GULP1: variants seen among roughly 807,000 people sequenced by gnomAD.
The protein encoded by GULP1 is GULP PTB domain containing engulfment adaptor 1.
Under a neutral mutation model 40.9 loss-of-function variants are expected in GULP1, and 19 were observed. The observed-to-expected ratio is 0.46, with a 90% CI of 0.32 to 0.68. The LOEUF is 0.68. Among genes scored for constraint, GULP1 ranks in the 30% least tolerant of loss-of-function variants. The probability of loss-of-function intolerance (pLI) is 0.03; values close to 1 mark genes in which losing one functional copy is unlikely to be tolerated. For missense variants in GULP1, 312 were observed against 362.2 expected (o/e 0.86, Z 1.12); for synonymous variants, 119 against 117.6 (o/e 1.01, Z -0.08).
chr2:188,431,180 A>G (rs144787441), intron 2 of GULP1, among the ~76,000 whole-genome samples: 47 of 152,302 alleles, frequency 3.1e-4, no homozygotes, highest in Admixed American at 1.1e-3. Flanking sequence ...TAAACATATT[A>G]AGAAAAGCCA....
intron 1 of GULP1, among the ~76,000 whole-genome samples, chr2:188,331,077 C>T (rs1390288925): frequency 6.6e-6 from 1 of 152,204 alleles, no homozygotes. Flanking sequence ...CCCTACAAAA[C>T]ATATCCCGCT....
At chr2:188,560,460 A>C (rs1366599942) in intron 7 of GULP1, among the ~76,000 whole-genome samples, 4 of 152,192 alleles carry the variant, frequency 2.6e-5, no homozygotes. Flanking sequence ...AGCAAATTCC[A>C]AACTTTCCCT....
intron 4 of GULP1, among the ~76,000 whole-genome samples, chr2:188,500,358 C>T (rs1427371742): frequency 1.3e-5 from 2 of 151,830 alleles, no homozygotes; most frequent in Non-Finnish European, 2.9e-5. Flanking sequence ...TAATGTCTAC[C>T]TTGTTCCCTA....
chr2:188,341,767 CT>C (rs892912314), intron 1 of GULP1, among the ~76,000 whole-genome samples: 3 of 151,826 alleles, frequency 2.0e-5, no homozygotes, highest in African/African-American at 7.3e-5. Context: ...TTAAAGATTG[CT>C]TTTTTTTCAT....
chr2:188,484,142 A>G (rs769587248), intron 4 of GULP1, among the ~76,000 whole-genome samples: 1 of 152,046 alleles, frequency 6.6e-6, no homozygotes, highest in Non-Finnish European at 1.5e-5. Context: ...TCCTGACCTC[A>G]AGTGGTCCAC....
chr2:188,415,906 C>G (rs1469664819), intron 2 of GULP1, among the ~76,000 whole-genome samples: 2 of 152,050 alleles, frequency 1.3e-5, no homozygotes, highest in Non-Finnish European at 2.9e-5. Flanking sequence ...TACAAGTAAC[C>G]AAGATGCCCC....
chr2:188,455,016 C>A (rs2152933806), intron 2 of GULP1, among the ~76,000 whole-genome samples: 1 of 152,142 alleles, frequency 6.6e-6, no homozygotes, highest in African/African-American at 2.4e-5. Flanking sequence ...CCTGTAGTCC[C>A]AGCTACTCAG....
chr2:188,554,221 A>G (rs1481874453), intron 7 of GULP1, among the ~76,000 whole-genome samples: 2 of 151,698 alleles, frequency 1.3e-5, no homozygotes, highest in African/African-American at 4.8e-5. Flanking sequence ...CTAGTTCCTT[A>G]AGGTATATTG....
intron 2 of GULP1, among the ~76,000 whole-genome samples, chr2:188,394,341 T>C (rs1327761829): frequency 6.6e-6 from 1 of 152,168 alleles, no homozygotes; most frequent in Non-Finnish European, 1.5e-5. Flanking sequence ...CTGCATTTTG[T>C]ACTTCCCTAA....
chr2:188,579,923 G>A (rs1444993090), intron 9 of GULP1, among the ~76,000 whole-genome samples: 7 of 151,994 alleles, frequency 4.6e-5, no homozygotes, highest in Non-Finnish European at 1.0e-4. Flanking sequence ...AAAAAATATA[G>A]AGTATTACCA....
intron 11 of GULP1, chr2:188,593,088 A>AT (rs1703901299): frequency 6.6e-6 from 1 of 152,086 alleles, no homozygotes; most frequent in African/African-American, 2.4e-5. Flanking sequence ...CTCCACTTTC[A>AT]TTGATCAGTG....
At chr2:188,412,628 G>A (rs2054054063) in intron 2 of GULP1, among the ~76,000 whole-genome samples, 1 of 152,158 alleles carries the variant, frequency 6.6e-6, no homozygotes, top group African/African-American at 2.4e-5. Context: ...CGATACTGTT[G>A]AAGTGGTATT....
chr2:188,363,407 A>G (rs1357685500), intron 1 of GULP1, among the ~76,000 whole-genome samples: 1 of 152,126 alleles, frequency 6.6e-6, no homozygotes, highest in African/African-American at 2.4e-5. Flanking sequence ...TTTAGTTTAG[A>G]TGTTTGCAGG....
At chr2:188,571,084 G>A (rs1283626758) in intron 9 of GULP1, among the ~76,000 whole-genome samples, 1 of 152,116 alleles carries the variant, frequency 6.6e-6, no homozygotes. Context: ...CATGAGCCCA[G>A]AGGTCATGGC....
intron 2 of GULP1, among the ~76,000 whole-genome samples, chr2:188,430,486 T>TA (rs2152815564): frequency 6.6e-6 from 1 of 152,320 alleles, no homozygotes; most frequent in East Asian, 1.9e-4. Flanking sequence ...TACTATGTCA[T>TA]AGAGCCCTTA....
At chr2:188,441,787 C>G (rs1365376137) in intron 2 of GULP1, among the ~76,000 whole-genome samples, 13 of 152,178 alleles carry the variant, frequency 8.5e-5, no homozygotes, top group Admixed American at 7.2e-4. Context: ...AGTATAAACT[C>G]CTTTTCTTGC....
At chr2:188,526,527 G>A (rs1686195498) in intron 5 of GULP1, among the ~76,000 whole-genome samples, 1 of 151,968 alleles carries the variant, frequency 6.6e-6, no homozygotes, top group South Asian at 2.1e-4. Context: ...GAAGGCAAGA[G>A]GTCTGTAAGT....
Position 188,595,605 on chromosome 2 carries a change from CTTTT to C in GULP1, c.*1598_*1601del, listed in dbSNP as rs1246429554. Reference sequence around the variant, plus strand: ...GGATGTTTAGAAGCCATATAAGTGGCTTTTTTTAACAGATAGAATTTGTATTTTT... The same window carrying C: ...GGATGTTTAGAAGCCATATAAGTGGCTTTAACAGATAGAATTTGTATTTTT... On this transcript the variant is annotated 3_prime_UTR_variant, in exon 12 of 12. Coordinates refer to ENST00000409830, the MANE Select transcript of GULP1 (RefSeq NM_016315.4). 6.6e-6 allele frequency: 1 copy of C among 151,808 alleles called. No homozygotes were observed. The highest frequency in any genetic ancestry group is 2.4e-5 in the African/African-American group (1 of 41,302). The allele number at this position is 151,808 out of a possible 1,614,324, so 9.4% of individuals were successfully genotyped here.
chr2:188,453,160 C>G (rs1216503061), intron 2 of GULP1, among the ~76,000 whole-genome samples: 1 of 151,970 alleles, frequency 6.6e-6, no homozygotes, highest in African/African-American at 2.4e-5. Context: ...ATGTATTTAT[C>G]TACCACAAAT....
Sources: gnomAD v4.1 joint callset for allele counts (sites outside exome capture counted in the v4.1 genomes callset) on GRCh38, gnomAD v4.1.1 for gene constraint, MANE v1.5 for transcripts, NCBI Gene and HGNC (gene_info 2026-07-23, HGNC 2026-07-21) for gene names.